The following EVA1C variants were observed in gnomAD, a reference collection of about 807,000 sequenced individuals.
EVA1C encodes protein eva-1 homolog C.
Under a neutral mutation model 45.4 loss-of-function variants are expected in EVA1C, and 25 were observed. The ratio of observed to expected loss-of-function variants is 0.55; its 90% CI spans 0.40 to 0.77. The LOEUF (loss-of-function observed/expected upper bound fraction) is 0.77. Ranked by LOEUF, EVA1C falls within the 30% of genes least tolerant of loss-of-function variation. EVA1C has a pLI of 0.00. For synonymous variants in EVA1C, 190 were observed against 221.2 expected (o/e 0.86, Z 1.25); for missense variants, 479 against 554.8 (o/e 0.86, Z 1.37).
At chr21:32,413,617 T>C (rs111595486) in intron 1 of EVA1C, among the ~76,000 whole-genome samples, 1 of 152,328 alleles carries the variant, frequency 6.6e-6, no homozygotes, top group African/African-American at 2.4e-5. Context: ...AAATAATGAC[T>C]TCCTACTCTC....
In EVA1C at chr21:32,480,316, AG is replaced by A. The variant is rs560330813; in HGVS notation, c.634+12470del. ...GCCCTGTCTCTTAAAAAAAAAAAAA[AG>A]GTACCGAGTTGGTACATTCATAAAA... On this transcript the variant is annotated intron_variant, in intron 4 of 7. Transcript: ENST00000300255. Among the ~76,000 whole-genome samples the A allele has an allele frequency of 1.6e-3, 240 of 151,094 alleles. 2 individuals are homozygous for A. The highest frequency in any genetic ancestry group is 3.4e-3 in the Middle Eastern group (1 of 294).
intron 1 of EVA1C, among the ~76,000 whole-genome samples, chr21:32,417,480 A>T (rs2034095679): frequency 6.6e-6 from 1 of 152,310 alleles, no homozygotes; most frequent in East Asian, 1.9e-4. Context: ...ATTTTCATGT[A>T]GTCACCTATT....
intron 1 of EVA1C, among the ~76,000 whole-genome samples, chr21:32,447,455 AAGCCT>A (rs1243972949): frequency 6.6e-6 from 1 of 152,154 alleles, no homozygotes; most frequent in Non-Finnish European, 1.5e-5. Context: ...ATATATGCAC[AAGCCT>A]CTTTCACTTT....
rs545647455 is a variant in EVA1C at position 32,499,596 on chromosome 21, G to A, written c.779-1819G>A. 3.9e-5 allele frequency among the ~76,000 whole-genome samples: 6 copies of A among 152,336 alleles called. No homozygotes were observed. The South Asian group carries it at 1.0e-3, about 26-fold the overall frequency. On this transcript the variant is annotated intron_variant, in intron 5 of 7. Transcript: ENST00000300255. ...GAATTTAGTTAAGCCCTCTGAGAGAGGAAACAAGGTTTTCTTGCTGCTGAA... is the reference window on the plus strand; with the variant it reads ...GAATTTAGTTAAGCCCTCTGAGAGAAGAAACAAGGTTTTCTTGCTGCTGAA...
At chr21:32,455,969 C>G (rs1021722075) in intron 2 of EVA1C, among the ~76,000 whole-genome samples, 1 of 152,062 alleles carries the variant, frequency 6.6e-6, no homozygotes, top group African/African-American at 2.4e-5. Flanking sequence ...CTCGGCTTAC[C>G]ACAACCTCTG....
chr21:32,453,296 A>G lies in EVA1C; in HGVS notation c.161-16A>G. On this transcript the variant is annotated splice_polypyrimidine_tract_variant and intron_variant, in intron 1 of 7. Transcript: ENST00000300255. ...GGGTTCCTGGGCCTCTAGTAACTCG[A>G]CTGAATATTTTCCAGGTTACCTAAC... 6.3e-7 allele frequency: 1 copy of G among 1,582,300 alleles called. No homozygotes were observed. Among genetic ancestry groups the G allele is most frequent in the Middle Eastern group, 2.3e-4 (1 of 4,320 alleles).
intron 4 of EVA1C, 57 bp downstream of exon 4, chr21:32,467,905 AATAT>A (rs34623485): frequency 5.9e-5 from 60 of 1,024,758 alleles, no homozygotes; most frequent in East Asian, 3.8e-4. Flanking sequence ...GAATTAATAG[AATAT>A]ATATATATAT....
At chr21:32,509,606 T>G (rs1035385260) in intron 7 of EVA1C, among the ~76,000 whole-genome samples, 4 of 152,164 alleles carry the variant, frequency 2.6e-5, no homozygotes, top group African/African-American at 9.7e-5. Context: ...ACTGGGGATT[T>G]GGCAAAGAGC....
At chr21:32,489,601 T>C (rs1363886239) in intron 4 of EVA1C, among the ~76,000 whole-genome samples, 3 of 152,356 alleles carry the variant, frequency 2.0e-5, no homozygotes, top group Middle Eastern at 3.4e-3. Flanking sequence ...CAGTTCCATA[T>C]GAATTTCAGC....
chr21:32,439,017 C>G (rs145702755), intron 1 of EVA1C, among the ~76,000 whole-genome samples: 188 of 152,012 alleles, frequency 1.2e-3, no homozygotes, highest in African/African-American at 4.2e-3. Context: ...GGGCAGATCA[C>G]TTGAAGTCGG....
At chr21:32,430,866 G>A (rs554255523) in intron 1 of EVA1C, among the ~76,000 whole-genome samples, 16 of 150,496 alleles carry the variant, frequency 1.1e-4, no homozygotes, top group South Asian at 8.4e-4. Flanking sequence ...CCAGATTCTC[G>A]GGAGGCTGAG....
intron 1 of EVA1C, among the ~76,000 whole-genome samples, chr21:32,432,275 G>T (rs1157881929): frequency 6.6e-6 from 1 of 151,934 alleles, no homozygotes; most frequent in Non-Finnish European, 1.5e-5. Context: ...GTGGGCGCAG[G>T]TTCATTGCTT....
At chr21:32,510,950 A>C (rs2037926442) in intron 7 of EVA1C, among the ~76,000 whole-genome samples, 1 of 152,110 alleles carries the variant, frequency 6.6e-6, no homozygotes, top group Non-Finnish European at 1.5e-5. Flanking sequence ...TGAGGTGAGA[A>C]GATTGTTTGA....
chr21:32,445,462 C>T (rs922406187), intron 1 of EVA1C, among the ~76,000 whole-genome samples: 2 of 152,114 alleles, frequency 1.3e-5, no homozygotes, highest in South Asian at 2.1e-4. Flanking sequence ...TCTTTGTAGC[C>T]GTCTTAGTTA....
chr21:32,514,525 A>T (rs1362663607), intron 7 of EVA1C, among the ~76,000 whole-genome samples: 1 of 152,222 alleles, frequency 6.6e-6, no homozygotes, highest in Non-Finnish European at 1.5e-5. Flanking sequence ...TCACACAGCT[A>T]CTGAGTGGCA....
chr21:32,412,743 G>T lies in EVA1C; in HGVS notation c.-111G>T. ...GCAGCCTGGGCAGGGAGGCGGCGGG[G>T]GGCCGCGGAGCCGCTGGCCATCGAT... On this transcript the variant is annotated 5_prime_UTR_variant, in exon 1 of 8. Coordinates refer to ENST00000300255, the MANE Select transcript of EVA1C (RefSeq NM_058187.5). 2 of 1,139,706 alleles carry T rather than the reference G, an allele frequency of 1.8e-6. No individual in the cohort carries two copies. Among genetic ancestry groups the T allele is most frequent in the Non-Finnish European group, 2.3e-6 (2 of 879,258 alleles). 70.6% of individuals were successfully genotyped at this position (1,139,706 alleles called of 1,614,324 possible).
chr21:32,485,714 A>T (rs374052517), intron 4 of EVA1C, among the ~76,000 whole-genome samples: 25 of 152,162 alleles, frequency 1.6e-4, no homozygotes, highest in African/African-American at 6.0e-4. Flanking sequence ...AAGTGGAGAC[A>T]TTATGTTTAA....
intron 4 of EVA1C, among the ~76,000 whole-genome samples, chr21:32,476,717 T>C (rs1392816125): frequency 2.0e-5 from 3 of 151,836 alleles, no homozygotes; most frequent in Admixed American, 2.0e-4. Flanking sequence ...CCCCCCAAGT[T>C]ATCGGTGTGA....
At chr21:32,506,660 C>CT (rs1418783152) in intron 7 of EVA1C, among the ~76,000 whole-genome samples, 1 of 152,038 alleles carries the variant, frequency 6.6e-6, no homozygotes, top group Non-Finnish European at 1.5e-5. Flanking sequence ...GGTGGCCACT[C>CT]TAGAGGTGGG....
Sources: allele counts gnomAD v4.1 joint callset (sites outside exome capture counted in the v4.1 genomes callset), GRCh38; gene constraint gnomAD v4.1.1; transcripts MANE v1.5; gene names NCBI Gene and HGNC (gene_info 2026-07-23, HGNC 2026-07-21).